SOS1: variants seen among roughly 807,000 people sequenced by gnomAD.
SOS1 encodes the protein son of sevenless homolog 1.
SOS1 carries 25 observed loss-of-function variants against 157.6 expected under a neutral mutation model. That is an observed-to-expected ratio of 0.16 (90% CI 0.12 to 0.22). The LOEUF is 0.22. Ranked by LOEUF, SOS1 falls within the 10% of genes least tolerant of loss-of-function variation. SOS1 has a pLI of 1.00. For missense variants in SOS1, 1,237 were observed against 1,599.1 expected (o/e 0.77, Z 3.86); for synonymous variants, 528 against 534.0 (o/e 0.99, Z 0.16).
At chr2:39,110,042 G>A (rs888133125) in intron 1 of SOS1, among the ~76,000 whole-genome samples, 3 of 106,416 alleles carry the variant, frequency 2.8e-5, no homozygotes, top group Non-Finnish European at 6.5e-5. Flanking sequence ...GTGTGTGCGT[G>A]TGTGTGTGTG....
At chr2:39,070,620 C>T (rs1384523700) in intron 1 of SOS1, among the ~76,000 whole-genome samples, 2 of 152,102 alleles carry the variant, frequency 1.3e-5, no homozygotes. Context: ...AGGATAGTTC[C>T]ACCTATTCTA....
chr2:39,070,099 T>G (rs958659851), intron 1 of SOS1, among the ~76,000 whole-genome samples: 2 of 152,186 alleles, frequency 1.3e-5, no homozygotes, highest in East Asian at 3.8e-4. Context: ...ACACTCTGAC[T>G]AACGTGTGTA....
chr2:39,013,781 CCTT>C (rs1669539771), intron 12 of SOS1, 83 bp downstream of exon 12: 8 of 1,174,052 alleles, frequency 6.8e-6, no homozygotes, highest in Non-Finnish European at 8.9e-6. Context: ...TCACCCCTCT[CCTT>C]GTTTGGGAAA....
At chr2:39,066,945 AT>A (rs1202342641) in intron 2 of SOS1, among the ~76,000 whole-genome samples, 5 of 152,352 alleles carry the variant, frequency 3.3e-5, no homozygotes, top group Non-Finnish European at 7.3e-5. Flanking sequence ...AAACAAAAAA[AT>A]GTATAGTTTA....
chr2:39,108,860 C>T (rs1673308885), intron 1 of SOS1, among the ~76,000 whole-genome samples: 1 of 151,752 alleles, frequency 6.6e-6, no homozygotes, highest in Admixed American at 6.6e-5. Context: ...GCCACTGCAC[C>T]CCAGCCTCGG....
At chr2:39,046,406 A>C (rs1392067132) in intron 6 of SOS1, among the ~76,000 whole-genome samples, 1 of 152,146 alleles carries the variant, frequency 6.6e-6, no homozygotes, top group Non-Finnish European at 1.5e-5. Context: ...GAAAAACTTT[A>C]AACTTATTTT....
intron 1 of SOS1, among the ~76,000 whole-genome samples, chr2:39,119,274 C>A (rs114464642): frequency 6.6e-6 from 1 of 152,086 alleles, no homozygotes; most frequent in Non-Finnish European, 1.5e-5. Context: ...GTAATTTAAG[C>A]CAGAAATATA....
At chr2:39,044,524 T>A (rs985698950) in intron 6 of SOS1, among the ~76,000 whole-genome samples, 1 of 152,230 alleles carries the variant, frequency 6.6e-6, no homozygotes, top group Non-Finnish European at 1.5e-5. Flanking sequence ...AACTTCTCTC[T>A]GCAAAATTTA....
upstream of SOS1, among the ~76,000 whole-genome samples, chr2:39,123,651 C>G (rs1448162670): frequency 1.3e-5 from 2 of 151,046 alleles, no homozygotes; most frequent in African/African-American, 4.9e-5. Context: ...AGCCACCGCG[C>G]CCGGCCGAGA....
At chr2:39,094,242 GTTCA>G (rs1255114375) in intron 1 of SOS1, among the ~76,000 whole-genome samples, 1 of 151,842 alleles carries the variant, frequency 6.6e-6, no homozygotes, top group Admixed American at 6.6e-5. Flanking sequence ...AATGTAATGG[GTTCA>G]TTATTTTTAA....
At position 38,984,134 on chromosome 2, in the gene SOS1, A is replaced by G. The variant is rs926517395; in HGVS notation, c.*1690T>C. On this transcript the variant is annotated 3_prime_UTR_variant, in exon 23 of 23. Coordinates refer to ENST00000402219, the MANE Select transcript of SOS1 (RefSeq NM_005633.4). ...CCACCATGTTGCAGCACTTCTAAAA[A>G]TGTCTCTAATGGTGTGGTTAACAGA... 3.9e-5 allele frequency: 6 copies of G among 152,198 alleles called. No homozygotes were observed. Among genetic ancestry groups the G allele is most frequent in the Middle Eastern group, 3.2e-3 (1 of 316 alleles). The allele number at this position is 152,198 out of a possible 1,614,324, so 9.4% of individuals were successfully genotyped here.
chr2:39,071,098 C>A (rs1671777673), intron 1 of SOS1, among the ~76,000 whole-genome samples: 1 of 152,138 alleles, frequency 6.6e-6, no homozygotes, highest in Admixed American at 6.5e-5. Flanking sequence ...GAACCCCTGA[C>A]CTCAAGTGAT....
In SOS1 at chr2:39,010,896, C is replaced by CTTCTT. The variant is rs70954776; in HGVS notation, c.2391-194_2391-193insAAGAA. ...TATTTCCTTATGGATTTTTTTTAAA[C>CTTCTT]TTTTTTTTTTTTTTTTGAGATGGAG... is the stretch of plus-strand genomic sequence containing the variant. On this transcript the variant is annotated intron_variant, in intron 14 of 22. Coordinates refer to ENST00000402219, the MANE Select transcript of SOS1 (RefSeq NM_005633.4). 5.1e-3 allele frequency among the ~76,000 whole-genome samples: 675 copies of CTTCTT among 132,852 alleles called. 35 individuals are homozygous for CTTCTT. Among genetic ancestry groups the CTTCTT allele is most frequent in the Non-Finnish European group, 6.6e-3 (435 of 65,858 alleles). The allele number at this position is 132,852 out of a possible 152,430, so 87.2% of individuals were successfully genotyped here.
chr2:39,011,116 C>T (rs927332255), intron 14 of SOS1, among the ~76,000 whole-genome samples: 3 of 152,014 alleles, frequency 2.0e-5, no homozygotes, highest in Non-Finnish European at 2.9e-5. Context: ...AGGCTGGTCT[C>T]GAACTCCTGA....
chr2:39,066,998 T>A (rs964385389), intron 2 of SOS1, among the ~76,000 whole-genome samples: 2 of 152,186 alleles, frequency 1.3e-5, no homozygotes, highest in African/African-American at 4.8e-5. Context: ...GCAATACAGG[T>A]TGATTATCCC....
chr2:39,008,354 AGT>A (rs1669346234), intron 15 of SOS1, among the ~76,000 whole-genome samples: 1 of 152,162 alleles, frequency 6.6e-6, no homozygotes, highest in African/African-American at 2.4e-5. Context: ...CTAGGGCAGA[AGT>A]GTCACTCAGA....
chr2:39,115,466 G>A (rs1673614361), intron 1 of SOS1, among the ~76,000 whole-genome samples: 1 of 132,252 alleles, frequency 7.6e-6, no homozygotes, highest in South Asian at 2.4e-4. Context: ...CCAGGCTGGA[G>A]TGCAATAGCA....
At position 39,074,844 on chromosome 2, in the gene SOS1, G is replaced by A. The variant is rs1671912199; in HGVS notation, c.88-7091C>T. On this transcript the variant is annotated intron_variant, in intron 1 of 22. Transcript: ENST00000402219. ...ATCGTGCCATTGCACTCCAGCCTAGGCAACAAGAGCAAAAGTCTGCCTCAA... is the reference window on the plus strand; with the variant it reads ...ATCGTGCCATTGCACTCCAGCCTAGACAACAAGAGCAAAAGTCTGCCTCAA... Among the ~76,000 whole-genome samples, 3 of 149,032 alleles carry A rather than the reference G, an allele frequency of 2.0e-5. No individual in the cohort carries two copies. The South Asian group carries it at 6.3e-4, about 31-fold the overall frequency.
chr2:39,056,922 C>T, intron 3 of SOS1, 56 bp from the exon 4 acceptor site: 2 of 1,220,376 alleles, frequency 1.6e-6, no homozygotes. Flanking sequence ...ATTTAACACA[C>T]TGATTAAAAA....
Sources: allele counts gnomAD v4.1 joint callset (sites outside exome capture counted in the v4.1 genomes callset), GRCh38; gene constraint gnomAD v4.1.1; transcripts MANE v1.5; gene names NCBI Gene and HGNC (gene_info 2026-07-23, HGNC 2026-07-21).